CNTN6: variants seen among roughly 807,000 people sequenced by gnomAD.
CNTN6 encodes the protein contactin-6.
CNTN6 carries 137 observed loss-of-function variants against 122.8 expected under a neutral mutation model. That is an observed-to-expected ratio of 1.12 (90% confidence interval 0.97 to 1.29). The LOEUF is 1.29. Among genes scored for constraint, CNTN6 ranks in the 50% most tolerant of loss-of-function variants. The probability of loss-of-function intolerance (pLI) is 0.00; values close to 1 mark genes in which losing one functional copy is unlikely to be tolerated. For missense variants in CNTN6, 1,634 were observed against 1,223.4 expected, an observed-to-expected ratio of 1.34 and a Z score of -5.01; for synonymous variants, 570 against 426.0, an observed-to-expected ratio of 1.34 and a Z score of -4.16.
intron 7 of CNTN6, among the ~76,000 whole-genome samples, chr3:1,308,318 T>TGC (rs1698691676): frequency 6.6e-6 from 1 of 150,524 alleles, no homozygotes; most frequent in Non-Finnish European, 1.5e-5. Context: ...TGTGTGTGTG[T>TGC]GTGTGCACCT....
At chr3:1,295,393 G>T (rs1293453918) in intron 5 of CNTN6, among the ~76,000 whole-genome samples, 3 of 152,106 alleles carry the variant, frequency 2.0e-5, no homozygotes, top group Non-Finnish European at 4.4e-5. Context: ...GATGGGGAAA[G>T]TGCCCACATA....
chr3:1,119,824 C>T (rs1037856916), intron 1 of CNTN6, among the ~76,000 whole-genome samples: 3 of 151,982 alleles, frequency 2.0e-5, no homozygotes, highest in African/African-American at 7.3e-5. Context: ...CCTGTTCCTC[C>T]CTATCAAAAT....
chr3:1,325,880 G>A lies in CNTN6; in HGVS notation c.1012G>A (p.Glu338Lys). 1 of 1,611,824 alleles carries A rather than the reference G, an allele frequency of 6.2e-7. No individual in the cohort carries two copies. The highest frequency in any genetic ancestry group is 8.5e-7 in the Non-Finnish European group (1 of 1,178,592). The change falls in exon 9 of 23, where the codon GAA becomes AAA. Residue 338 changes from glutamate (E) to lysine (K), a missense_variant. Transcript: ENST00000446702. The stretch of plus-strand genomic sequence containing the variant: ...CTCTATCTATGACAACTTGCTCTGG[G>A]AATGTAAAGCTAGTGGAAAGCCAAA... ...HLSIYDNLLW[E>K]CKASGKPNPW...
intron 12 of CNTN6, among the ~76,000 whole-genome samples, chr3:1,356,163 G>A (rs1240534155): frequency 6.6e-6 from 1 of 151,776 alleles, no homozygotes; most frequent in Non-Finnish European, 1.5e-5. Flanking sequence ...CATAAAAGGA[G>A]AAATTATTTG....
At position 1,108,397 on chromosome 3, in the gene CNTN6, G is replaced by A. The variant is rs182753502; in HGVS notation, c.-83+15277G>A. Among the ~76,000 whole-genome samples, 36 of 152,060 alleles carry A rather than the reference G, an allele frequency of 2.4e-4. No homozygotes were observed. In the East Asian group the frequency reaches 6.4e-3, roughly 27 times the overall value. On this transcript the variant is annotated intron_variant, in intron 1 of 22. Coordinates refer to ENST00000446702, the MANE Select transcript of CNTN6 (RefSeq NM_001289080.2). ...TATAACCTGAATGCATTTCTATATG[G>A]TATTTTTAATAATTTTGAGCAGGAA...
At chr3:1,119,742 C>T (rs937539384) in intron 1 of CNTN6, among the ~76,000 whole-genome samples, 2 of 152,000 alleles carry the variant, frequency 1.3e-5, no homozygotes, top group South Asian at 2.1e-4. Context: ...ATATAACTCA[C>T]ATATAACAAA....
In CNTN6 at chr3:1,124,495, T is replaced by C. The variant is rs1266678747; in HGVS notation, c.-82-23432T>C. 2.0e-5 allele frequency among the ~76,000 whole-genome samples: 3 copies of C among 151,858 alleles called. No individual in the cohort carries two copies. In the Admixed American group the frequency reaches 2.0e-4, roughly 10 times the overall value. On this transcript the variant is annotated intron_variant, in intron 1 of 22. Coordinates refer to ENST00000446702, the MANE Select transcript of CNTN6 (RefSeq NM_001289080.2). ...TGTACTTTTTCTAATCCGAACATCC[T>C]GTCCCATAAGAATGATATAATCGAG...
intron 2 of CNTN6, among the ~76,000 whole-genome samples, chr3:1,175,174 G>T (rs1422262540): frequency 6.9e-6 from 1 of 145,668 alleles, no homozygotes; most frequent in African/African-American, 2.5e-5. Flanking sequence ...CCAGACTACG[G>T]TGAGTACCAC....
At chr3:1,318,091 AAGAG>A (rs554160800) in intron 7 of CNTN6, among the ~76,000 whole-genome samples, 27 of 151,794 alleles carry the variant, frequency 1.8e-4, no homozygotes, top group South Asian at 2.1e-4. Flanking sequence ...AAAGGAAAGA[AAGAG>A]AGAAGGAAAG....
intron 4 of CNTN6, among the ~76,000 whole-genome samples, chr3:1,249,322 T>A (rs199837072): frequency 6.6e-6 from 1 of 152,200 alleles, no homozygotes. Context: ...ACCTACCATA[T>A]GTGTCAAACA....
At chr3:1,394,751 C>A (rs754143351) in intron 20 of CNTN6, among the ~76,000 whole-genome samples, 1 of 152,104 alleles carries the variant, frequency 6.6e-6, no homozygotes, top group Non-Finnish European at 1.5e-5. Flanking sequence ...TTTCAGTTGA[C>A]CCAATTGATC....
intron 12 of CNTN6, among the ~76,000 whole-genome samples, chr3:1,361,981 T>C (rs13060909): frequency 0.017 from 2,542 of 152,090 alleles, 39 homozygotes; most frequent in Non-Finnish European, 0.024. Flanking sequence ...AGACTTACAG[T>C]GAAAGGGAGA....
intron 2 of CNTN6, among the ~76,000 whole-genome samples, chr3:1,204,916 GGA>G (rs2093937829): frequency 6.6e-6 from 1 of 152,016 alleles, no homozygotes; most frequent in Non-Finnish European, 1.5e-5. Flanking sequence ...TCTAATCCCT[GGA>G]ACATGTGAAT....
At chr3:1,270,188 TA>T (rs1343910008) in intron 4 of CNTN6, among the ~76,000 whole-genome samples, 7 of 152,216 alleles carry the variant, frequency 4.6e-5, no homozygotes, top group Non-Finnish European at 4.4e-5. Context: ...CTGGTTTCAG[TA>T]GAGATATTTC....
chr3:1,230,671 C>A (rs2094342176), intron 4 of CNTN6, among the ~76,000 whole-genome samples: 1 of 152,164 alleles, frequency 6.6e-6, no homozygotes, highest in South Asian at 2.1e-4. Context: ...AGATTAGAAG[C>A]CTGAGGCTCA....
intron 1 of CNTN6, among the ~76,000 whole-genome samples, chr3:1,138,051 T>C (rs1304581205): frequency 1.3e-5 from 2 of 152,248 alleles, no homozygotes; most frequent in Non-Finnish European, 2.9e-5. Flanking sequence ...AACATACTCA[T>C]TTCTTTTCAC....
chr3:1,175,675 T>C (rs1001184517), intron 2 of CNTN6, among the ~76,000 whole-genome samples: 1 of 152,242 alleles, frequency 6.6e-6, no homozygotes, highest in Non-Finnish European at 1.5e-5. Flanking sequence ...TTATCTGATT[T>C]GTATATGCAA....
At chr3:1,387,263 C>T (rs1693158989) in intron 20 of CNTN6, among the ~76,000 whole-genome samples, 1 of 152,224 alleles carries the variant, frequency 6.6e-6, no homozygotes, top group Non-Finnish European at 1.5e-5. Flanking sequence ...CAAATTTCCT[C>T]CAGTCCACCC....
At chr3:1,223,259 T>A (rs184962850) in intron 3 of CNTN6, among the ~76,000 whole-genome samples, 1 of 152,306 alleles carries the variant, frequency 6.6e-6, no homozygotes, top group Non-Finnish European at 1.5e-5. Flanking sequence ...CACAGCTCTA[T>A]CAATCCATTG....
Sources: allele counts gnomAD v4.1 joint callset (sites outside exome capture counted in the v4.1 genomes callset), GRCh38; gene constraint gnomAD v4.1.1; transcripts MANE v1.5; gene names NCBI Gene and HGNC (gene_info 2026-07-23, HGNC 2026-07-21).